ALB: variants seen among roughly 807,000 people sequenced by gnomAD.
ALB encodes the protein serum albumin.
A neutral mutation model predicts 74.5 loss-of-function variants in ALB; 37 were observed. The observed-to-expected ratio is 0.50, with a 90% confidence interval of 0.38 to 0.65. The LOEUF (loss-of-function observed/expected upper bound fraction) is 0.65, where lower values mean the gene tolerates loss of function less well. ALB is among the 30% of genes least tolerant of loss of function. The pLI is 0.00. For missense variants in ALB, 685 were observed against 718.7 expected (o/e 0.95, Z 0.54); for synonymous variants, 249 against 251.6 (o/e 0.99, Z 0.10).
At position 73,410,255 on chromosome 4, in the gene ALB, G is replaced by A. The variant is rs963493317; in HGVS notation, c.616-57G>A. 1.1e-5 allele frequency: 14 copies of A among 1,325,740 alleles called. No homozygotes were observed. The African/African-American group carries it at 1.4e-4, about 14-fold the overall frequency. 82.1% of individuals were successfully genotyped at this position (1,325,740 alleles called of 1,614,324 possible). ...GCACAGTCTCATCTGAGCTTATGGA[G>A]GGGTGTTTCATGTAGAATTTTTCTT... On this transcript the variant is annotated intron_variant, in intron 5 of 14. Transcript: ENST00000295897.
At chr4:73,420,983 G>T (rs1214517256) in intron 14 of ALB, 109 bp from the exon 15 acceptor site, 3 of 605,560 alleles carry the variant, frequency 5.0e-6, no homozygotes, top group Non-Finnish European at 8.8e-6. Flanking sequence ...GTTTTCACTG[G>T]TGTAAATTGC....
intron 11 of ALB, 142 bp downstream of exon 11, chr4:73,417,811 G>A: frequency 1.2e-6 from 1 of 813,100 alleles, no homozygotes; most frequent in Non-Finnish European, 1.9e-6. Context: ...GCACGTGTGT[G>A]TATGTGTGAT....
chr4:73,415,237 G>A lies in ALB; in HGVS notation c.1191+70G>A, dbSNP rs1349866609. ...TCCAATAATGAGAAAGAAAAATAAT[G>A]CAAGAATGTAAAATGATATACAGTG... On this transcript the variant is annotated intron_variant, in intron 9 of 14. Coordinates refer to ENST00000295897, the MANE Select transcript of ALB (RefSeq NM_000477.7). 28 of 1,557,124 alleles carry A rather than the reference G, an allele frequency of 1.8e-5. No homozygotes were observed. The East Asian group carries it at 5.8e-4, about 32-fold the overall frequency.
chr4:73,419,475 T>G (rs745441209), intron 12 of ALB, 32 bp from the exon 13 acceptor site: 202 of 986,296 alleles, frequency 2.0e-4, no homozygotes, highest in Non-Finnish European at 2.8e-4. Flanking sequence ...GTTTTTTCTG[T>G]TTTTTTTTTT....
chr4:73,406,907 C>T, intron 3 of ALB, 146 bp downstream of exon 3: 1 of 898,456 alleles, frequency 1.1e-6, no homozygotes, highest in East Asian at 2.7e-5. Flanking sequence ...GACTGATAAG[C>T]CATTGTTTCT....
chr4:73,411,849 A>G, intron 6 of ALB, 147 bp from the exon 7 acceptor site: 1 of 968,536 alleles, frequency 1.0e-6, no homozygotes, highest in East Asian at 2.7e-5. Flanking sequence ...AGTGATTACC[A>G]TTTGGTTCAG....
In ALB at chr4:73,406,828, T is replaced by C; in HGVS notation, c.270+67T>C. The C allele has an allele frequency of 1.9e-6, 3 of 1,573,492 alleles. No homozygotes were observed. In the Admixed American group the frequency reaches 5.2e-5, roughly 27 times the overall value. ...AGTAATCCCAAGCATTTCAAAGGAA[T>C]TTTTTTTAAGTTTTCTCAATTATTA... On this transcript the variant is annotated intron_variant, in intron 3 of 14. Transcript: ENST00000295897.
chr4:73,405,342 A>G (rs1256730064), intron 2 of ALB, among the ~76,000 whole-genome samples, 169 bp downstream of exon 2: 1 of 152,224 alleles, frequency 6.6e-6, no homozygotes, highest in Non-Finnish European at 1.5e-5. Flanking sequence ...CCAATAAGGT[A>G]GTCACTGGTC....
In ALB at chr4:73,418,295, C is replaced by G. The variant is rs1254145783; in HGVS notation, c.1636C>G (p.Gln546Glu). Residue 546 changes from glutamine (Q) to glutamate (E), a missense_variant, in exon 12 of 15, where the codon CAA (glutamine) becomes GAA (glutamate). Gln to Glu is a conservative substitution (Grantham distance 29, BLOSUM62 2). Coordinates refer to ENST00000295897, the MANE Select transcript of ALB (RefSeq NM_000477.7). ...DICTLSEKER[Q>E]IKKQTALVEL... Reference sequence around the variant, plus strand: ...ATGCACACTTTCTGAGAAGGAGAGACAAATCAAGAAACAAACGTGAGGAGT... The same window carrying G: ...ATGCACACTTTCTGAGAAGGAGAGAGAAATCAAGAAACAAACGTGAGGAGT... 28 of 1,613,152 alleles carry G rather than the reference C, an allele frequency of 1.7e-5. No homozygotes were observed. Among genetic ancestry groups the G allele is most frequent in the Non-Finnish European group, 2.4e-5 (28 of 1,179,502 alleles).
chr4:73,416,502 T>C (rs1175184622), intron 10 of ALB, 149 bp downstream of exon 10: 2 of 685,638 alleles, frequency 2.9e-6, no homozygotes, highest in South Asian at 1.7e-5. Context: ...AGAGGAGAGA[T>C]AAAATAGTTG....
At chr4:73,409,565 C>A in intron 5 of ALB, 78 bp downstream of exon 5, 3 of 1,572,896 alleles carry the variant, frequency 1.9e-6, no homozygotes, top group African/African-American at 1.4e-5. Context: ...ATTTAGGGAA[C>A]CTGAGTGTCT....
At position 73,409,533 on chromosome 4, in the gene ALB, A is replaced by G. The variant is rs758801832; in HGVS notation, c.615+46A>G. 5.0e-6 allele frequency: 8 copies of G among 1,612,294 alleles called. No individual in the cohort carries two copies. In the Admixed American group the frequency reaches 6.7e-5, roughly 13 times the overall value. ...AAAAAAGAGTTCATTATCCAACCTG[A>G]TTTTGTCCATTTTGTGGCTAGATTT... On this transcript the variant is annotated intron_variant, in intron 5 of 14. Transcript: ENST00000295897.
chr4:73,412,350 G>A (rs1257965685), intron 7 of ALB: 3 of 575,012 alleles, frequency 5.2e-6, no homozygotes, highest in African/African-American at 1.9e-5. Flanking sequence ...ACTCCTTTCA[G>A]TCATGCTCTA....
chr4:73,407,123 A>G (rs1013978974), intron 3 of ALB, among the ~76,000 whole-genome samples: 1 of 152,132 alleles, frequency 6.6e-6, no homozygotes, highest in Non-Finnish European at 1.5e-5. Context: ...ATTTTATTAT[A>G]GTAAGAACCC....
At position 73,417,626 on chromosome 4, in the gene ALB, G is replaced by A; in HGVS notation, c.1385G>A (p.Cys462Tyr). 1 of 1,613,794 alleles carries A rather than the reference G, an allele frequency of 6.2e-7. No homozygotes were observed. Among genetic ancestry groups the A allele is most frequent in the Non-Finnish European group, 8.5e-7 (1 of 1,179,854 alleles). ...RNLGKVGSKC[C>Y]KHPEAKRMPC... ...CTAGGAAAAGTGGGCAGCAAATGTT[G>A]TAAACATCCTGAAGCAAAAAGAATG... Residue 462 changes from cysteine to tyrosine, a missense_variant, in exon 11 of 15, where the codon TGT becomes TAT. Physicochemically the swap from Cys to Tyr is radical, Grantham distance 194. Transcript: ENST00000295897.
In ALB at chr4:73,421,195, T is replaced by C; in HGVS notation, c.*127T>C. On this transcript the variant is annotated 3_prime_UTR_variant, in exon 15 of 15. Coordinates refer to ENST00000295897, the MANE Select transcript of ALB (RefSeq NM_000477.7). ...AACACCCTGTCTAAAAAACATAAAT[T>C]TCTTTAATCATTTTGCCTCTTTTCT... The C allele has an allele frequency of 1.5e-6, 1 of 650,576 alleles. No homozygotes were observed. Among genetic ancestry groups the C allele is most frequent in the Admixed American group, 2.7e-5 (1 of 36,652 alleles). The allele number at this position is 650,576 out of a possible 1,614,324, so 40.3% of individuals were successfully genotyped here.
rs776771984 is a variant in ALB, at chr4:73,410,427, TAGTTGGC to T, written c.713+20_713+26del. 7 of 1,532,354 alleles carry T rather than the reference TAGTTGGC, an allele frequency of 4.6e-6. No homozygotes were observed. In the East Asian group the frequency reaches 1.6e-4, roughly 34 times the overall value. 94.9% of individuals were successfully genotyped at this position (1,532,354 alleles called of 1,614,324 possible). A position where few individuals can be genotyped will look rare whatever the true frequency, so the allele number is the denominator to read the frequency against. On this transcript the variant is annotated intron_variant, in intron 6 of 14. Coordinates refer to ENST00000295897, the MANE Select transcript of ALB (RefSeq NM_000477.7). ...AAAGCATGGTAAATACTTTTAAACA[TAGTTGGC>T]ATCTTTATAACGATGTAAATGATAA...
chr4:73,405,181 A>T lies in ALB; in HGVS notation c.137+8A>T, dbSNP rs1400697142. ...AGAAAATTTCAAAGCCTTGTAAGTT[A>T]AAATATTGATGAATCAAATTTAATG... On this transcript the variant is annotated splice_region_variant and intron_variant, in intron 2 of 14. Transcript: ENST00000295897. 1.3e-6 allele frequency: 2 copies of T among 1,596,416 alleles called. No homozygotes were observed. The highest frequency in any genetic ancestry group is 8.6e-7 in the Non-Finnish European group (1 of 1,163,998).
chr4:73,413,902 T>C (rs1159339892), intron 8 of ALB, among the ~76,000 whole-genome samples: 1 of 152,238 alleles, frequency 6.6e-6, no homozygotes, highest in Non-Finnish European at 1.5e-5. Context: ...TTTGTGTATA[T>C]ATAAATTATG....
Sources: allele counts gnomAD v4.1 joint callset (sites outside exome capture counted in the v4.1 genomes callset), GRCh38; gene constraint gnomAD v4.1.1; transcripts MANE v1.5; gene names NCBI Gene and HGNC (gene_info 2026-07-23, HGNC 2026-07-21).